CENPP: variants seen among roughly 807,000 people sequenced by gnomAD.
The protein encoded by CENPP is centromere protein P.
CENPP carries 24 observed loss-of-function variants against 35.6 expected under a neutral mutation model. The observed-to-expected ratio is 0.67, with a 90% CI of 0.49 to 0.95. CENPP has a LOEUF of 0.95. Among genes scored for constraint, CENPP ranks in the 40% least tolerant of loss-of-function variants. CENPP has a pLI of 0.00. For missense variants in CENPP, 332 were observed against 345.3 expected, an observed-to-expected ratio of 0.96 and a Z score of 0.31; for synonymous variants, 120 against 125.5, an observed-to-expected ratio of 0.96 and a Z score of 0.29.
At chr9:92,394,189 A>AT (rs78836517) in intron 5 of CENPP, among the ~76,000 whole-genome samples, 5,397 of 151,992 alleles carry the variant, frequency 0.036, 126 homozygotes, top group South Asian at 0.086. Context: ...CTCTCTTCTT[A>AT]TTTTTATATC....
chr9:92,437,671 T>C (rs1844282083), intron 5 of CENPP, among the ~76,000 whole-genome samples: 1 of 152,186 alleles, frequency 6.6e-6, no homozygotes, highest in African/African-American at 2.4e-5. Flanking sequence ...TCCCAAAGTG[T>C]TGGGATTACA....
chr9:92,460,958 C>T (rs1260603044), intron 5 of CENPP, among the ~76,000 whole-genome samples: 3 of 152,118 alleles, frequency 2.0e-5, no homozygotes, highest in Admixed American at 2.0e-4. Flanking sequence ...GGATTACAGG[C>T]GTGAGCCACC....
At chr9:92,557,189 G>A (rs1849744131) in intron 5 of CENPP, among the ~76,000 whole-genome samples, 1 of 152,178 alleles carries the variant, frequency 6.6e-6, no homozygotes, top group Admixed American at 6.5e-5. Context: ...TGAGAAATCT[G>A]CTGTTAATCT....
chr9:92,545,910 T>A (rs1849431630), intron 5 of CENPP, among the ~76,000 whole-genome samples: 1 of 152,036 alleles, frequency 6.6e-6, no homozygotes, highest in Non-Finnish European at 1.5e-5. Context: ...TTGGAGAACC[T>A]TTATGTCTAG....
At chr9:92,578,794 C>G (rs1189633917) in intron 5 of CENPP, among the ~76,000 whole-genome samples, 1 of 151,950 alleles carries the variant, frequency 6.6e-6, no homozygotes, top group Non-Finnish European at 1.5e-5. Flanking sequence ...TGCAGAAGCT[C>G]TTTAGTTTAA....
chr9:92,374,005 G>T (rs530850784), intron 4 of CENPP, among the ~76,000 whole-genome samples: 1 of 150,332 alleles, frequency 6.7e-6, no homozygotes, highest in South Asian at 2.1e-4. Context: ...TTCTTTTTTG[G>T]CATTTGCTTT....
At chr9:92,582,833 C>T (rs545385317) in intron 5 of CENPP, among the ~76,000 whole-genome samples, 4 of 152,258 alleles carry the variant, frequency 2.6e-5, no homozygotes, top group East Asian at 1.9e-4. Flanking sequence ...AAGAGTAGAA[C>T]GACTCCCTAG....
At chr9:92,327,986 A>G (rs977036984) in intron 1 of CENPP, among the ~76,000 whole-genome samples, 5 of 152,172 alleles carry the variant, frequency 3.3e-5, no homozygotes, top group African/African-American at 1.2e-4. Flanking sequence ...TGTTGTGTCT[A>G]CATCCCAAAT....
Position 92,617,971 on chromosome 9 carries a change from C to A in CENPP, c.*4822C>A, listed in dbSNP as rs1233874223. On this transcript the variant is annotated 3_prime_UTR_variant, in exon 8 of 8. Coordinates refer to ENST00000375587, the MANE Select transcript of CENPP (RefSeq NM_001012267.3). Reference sequence around the variant, plus strand: ...TAAATGTGGTCAATCTATCTGTGAGCTGCAAATTAGTCTAGGGATCTAAAT... The same window carrying A: ...TAAATGTGGTCAATCTATCTGTGAGATGCAAATTAGTCTAGGGATCTAAAT... 1.2e-5 allele frequency: 4 copies of A among 333,076 alleles called. No homozygotes were observed. The highest frequency in any genetic ancestry group is 2.4e-5 in the Non-Finnish European group (4 of 167,960). The allele number at this position is 333,076 out of a possible 1,614,324, so 20.6% of individuals were successfully genotyped here.
rs545172502 is a variant in CENPP at position 92,589,357 on chromosome 9, T to A, written c.565-21957T>A. 3.0e-3 allele frequency among the ~76,000 whole-genome samples: 404 copies of A among 135,618 alleles called. 1 individual carries two copies. The highest frequency in any genetic ancestry group is 0.02 in the South Asian group (72 of 3,658). 89.0% of individuals were successfully genotyped at this position (135,618 alleles called of 152,430 possible). On this transcript the variant is annotated intron_variant, in intron 5 of 7. Coordinates refer to ENST00000375587, the MANE Select transcript of CENPP (RefSeq NM_001012267.3). ...AGACCCTGTCTCAAAAAAAAAAAAA[T>A]TTTTTTTTAAGAGAAAAAGGAAACT...
At chr9:92,389,730 GTCT>G (rs1344397708) in intron 5 of CENPP, 2 of 641,390 alleles carry the variant, frequency 3.1e-6, no homozygotes, top group African/African-American at 1.8e-5. Context: ...TGTAAATAAT[GTCT>G]TCATTTATTA....
chr9:92,612,804 C>T (rs553832089), intron 7 of CENPP, among the ~76,000 whole-genome samples, 190 bp downstream of exon 7: 1 of 152,182 alleles, frequency 6.6e-6, no homozygotes, highest in Non-Finnish European at 1.5e-5. Context: ...ATTGCTGCCC[C>T]AAGGCCCTCC....
chr9:92,368,307 A>T (rs1008091988), intron 4 of CENPP, among the ~76,000 whole-genome samples: 27 of 152,214 alleles, frequency 1.8e-4, no homozygotes, highest in Non-Finnish European at 3.8e-4. Flanking sequence ...TGTCCCCAAG[A>T]TATCTCATTA....
intron 5 of CENPP, among the ~76,000 whole-genome samples, chr9:92,453,242 T>A (rs2131026033): frequency 6.6e-6 from 1 of 152,278 alleles, no homozygotes; most frequent in Middle Eastern, 3.4e-3. Flanking sequence ...CATTTAGTGC[T>A]ATAAATTTCC....
intron 1 of CENPP, among the ~76,000 whole-genome samples, chr9:92,330,548 G>A (rs1840707471): frequency 6.6e-6 from 1 of 151,822 alleles, no homozygotes; most frequent in African/African-American, 2.4e-5. Context: ...GTTTTAAGCT[G>A]GCCGGAAAAG....
At chr9:92,494,371 T>A (rs1003899675) in intron 5 of CENPP, among the ~76,000 whole-genome samples, 4 of 152,240 alleles carry the variant, frequency 2.6e-5, no homozygotes, top group African/African-American at 9.6e-5. Flanking sequence ...TGTGTAACCC[T>A]ATCTTCTTGT....
At chr9:92,335,799 A>T (rs1328766324) in intron 2 of CENPP, among the ~76,000 whole-genome samples, 1 of 152,184 alleles carries the variant, frequency 6.6e-6, no homozygotes. Flanking sequence ...CTTTATAGTA[A>T]GTCTCTAAAT....
chr9:92,391,821 G>A (rs1842699960), intron 5 of CENPP, among the ~76,000 whole-genome samples: 1 of 152,130 alleles, frequency 6.6e-6, no homozygotes, highest in South Asian at 2.1e-4. Flanking sequence ...GTCTGAGAAA[G>A]CCCATGAAAG....
chr9:92,566,265 A>G (rs181315383), intron 5 of CENPP, among the ~76,000 whole-genome samples: 1 of 151,522 alleles, frequency 6.6e-6, no homozygotes, highest in Non-Finnish European at 1.5e-5. Context: ...GCGCCATTGC[A>G]CTCCAGCGTG....
Sources: gnomAD v4.1 joint callset for allele counts (sites outside exome capture counted in the v4.1 genomes callset) on GRCh38, gnomAD v4.1.1 for gene constraint, MANE v1.5 for transcripts, NCBI Gene and HGNC (gene_info 2026-07-23, HGNC 2026-07-21) for gene names.